Variants in SMPD4 observed in about 807,000 individuals in gnomAD.
SMPD4 encodes neutral sphingomyelinase 3.
A neutral mutation model predicts 97.8 loss-of-function variants in SMPD4; 58 were observed. That is an observed-to-expected ratio of 0.59 (90% CI 0.48 to 0.74). The LOEUF is 0.74. Among genes scored for constraint, SMPD4 ranks in the 30% least tolerant of loss-of-function variants. The pLI is 0.00. For missense variants in SMPD4, 853 were observed against 1,080.5 expected, an observed-to-expected ratio of 0.79 and a Z score of 2.95; for synonymous variants, 388 against 450.0, an observed-to-expected ratio of 0.86 and a Z score of 1.74.
intron 1 of SMPD4, among the ~76,000 whole-genome samples, chr2:130,180,244 T>C (rs1043200333): frequency 1.3e-5 from 2 of 151,428 alleles, no homozygotes; most frequent in Non-Finnish European, 2.9e-5. Context: ...ATTACAAGCG[T>C]GAGCCACTGC....
intron 9 of SMPD4, among the ~76,000 whole-genome samples, chr2:130,166,251 CA>C (rs747910324): frequency 1.4e-4 from 19 of 136,530 alleles, no homozygotes; most frequent in Non-Finnish European, 2.4e-4. Context: ...GAAGGTTGCA[CA>C]GAGCCAAGAT....
upstream of SMPD4, chr2:130,181,678 G>C: frequency 6.5e-7 from 1 of 1,549,290 alleles, no homozygotes; most frequent in Non-Finnish European, 8.7e-7. Context: ...ACCTCAAAAG[G>C]CGCGTGCGCA....
chr2:130,180,694 C>G (rs1689487788), intron 1 of SMPD4, among the ~76,000 whole-genome samples: 1 of 152,190 alleles, frequency 6.6e-6, no homozygotes, highest in South Asian at 2.1e-4. Context: ...GTGGACTGTT[C>G]GGTAAGTGCG....
At chr2:130,155,006 CCT>C in intron 15 of SMPD4, 88 bp downstream of exon 15, 1 of 1,511,168 alleles carries the variant, frequency 6.6e-7, no homozygotes, top group Non-Finnish European at 8.9e-7. Context: ...CGTGTGGGTC[CCT>C]CTTAAAGACC....
chr2:130,178,135 C>G (rs555708550), intron 1 of SMPD4, among the ~76,000 whole-genome samples: 178 of 148,198 alleles, frequency 1.2e-3, no homozygotes, highest in Non-Finnish European at 2.3e-3. Context: ...GCAAAGCTAC[C>G]AACACCTTGA....
chr2:130,164,751 T>TA (rs202162918), intron 9 of SMPD4, among the ~76,000 whole-genome samples: 4,311 of 151,890 alleles, frequency 0.028, 208 homozygotes, highest in African/African-American at 0.097. Flanking sequence ...GGAAAAAAAA[T>TA]AGACAACTAG....
rs943612417 is a variant in SMPD4 at position 130,154,725 on chromosome 2, G to A, written c.1454-243C>T. On this transcript the variant is annotated intron_variant, in intron 15 of 19. Transcript: ENST00000680298. ...GCAGGAGGTAAACAACAGGAGGATCGACAGAAACCAACGCCCAACCCAGCC... is the reference window on the plus strand; with the variant it reads ...GCAGGAGGTAAACAACAGGAGGATCAACAGAAACCAACGCCCAACCCAGCC... The A allele has an allele frequency of 1.6e-4, 97 of 588,102 alleles. No homozygotes were observed. In the Admixed American group the frequency reaches 1.7e-3, roughly 10 times the overall value. The allele number at this position is 588,102 out of a possible 1,614,324, so 36.4% of individuals were successfully genotyped here.
At position 130,152,533 on chromosome 2, in the gene SMPD4, G is replaced by A. The variant is rs1686327143; in HGVS notation, c.*22C>T. 6.5e-7 allele frequency: 1 copy of A among 1,536,548 alleles called. No homozygotes were observed. Among genetic ancestry groups the A allele is most frequent in the East Asian group, 2.5e-5 (1 of 40,652 alleles). On this transcript the variant is annotated 3_prime_UTR_variant, in exon 20 of 20. Transcript: ENST00000680298. ...GCTGTGTGGCAAATCCCTCCAGCCT[G>A]CTCTGAAGGCAGCTGACACCTTCAG...
chr2:130,152,826 C>T lies in SMPD4; in HGVS notation c.2213G>A (p.Arg738His), dbSNP rs760113579. The change falls in exon 20 of 20, where the codon CGC (arginine) becomes CAC (histidine). Residue 738 changes from arginine (R) to histidine (H), a missense_variant. Physicochemically the swap from Arg to His is conservative, Grantham distance 29. Transcript: ENST00000680298. ...CAGCCCAGGTTCTGTGAGGTGGTAG[C>T]GACAGAAGCTGCCGAGGAAGTCATC... ...SRDDFLGSFC[R>H]YHLTEPGLAS... 11 of 1,603,250 alleles carry T rather than the reference C, an allele frequency of 6.9e-6. No individual in the cohort carries two copies. Among genetic ancestry groups the T allele is most frequent in the African/African-American group, 5.4e-5 (4 of 74,558 alleles).
chr2:130,176,623 C>A lies in SMPD4; in HGVS notation c.-31G>T, dbSNP rs372073862. The A allele has an allele frequency of 1.2e-6, 2 of 1,612,908 alleles. No individual in the cohort carries two copies. Among genetic ancestry groups the A allele is most frequent in the Non-Finnish European group, 1.7e-6 (2 of 1,179,546 alleles). ...CCTCCAGTGGAGAGTTGAAAATGGC[C>A]TTCTTAGCAAACCACTGTGGAAAAA... On this transcript the variant is annotated 5_prime_UTR_variant, in exon 2 of 20. The change creates a new upstream start codon in the 5' untranslated region. Transcript: ENST00000680298.
Position 130,181,536 on chromosome 2 carries a change from G to C in SMPD4, c.-52C>G, listed in dbSNP as rs773151083. The C allele has an allele frequency of 6.2e-7, 1 of 1,604,754 alleles. No individual in the cohort carries two copies. Among genetic ancestry groups the C allele is most frequent in the Non-Finnish European group, 8.5e-7 (1 of 1,176,716 alleles). ...CGCATCCCGCGCCACTCACCTGTGG[G>C]ATCCATAGCGTCGCTCGCCTCAGAG... On this transcript the variant is annotated 5_prime_UTR_variant, in exon 1 of 20. It adds an upstream start codon to the 5' untranslated region. Coordinates refer to ENST00000680298, the MANE Select transcript of SMPD4 (RefSeq NM_017951.5).
At chr2:130,158,129 C>A in intron 11 of SMPD4, 1 of 1,164,508 alleles carries the variant, frequency 8.6e-7, no homozygotes, top group South Asian at 1.5e-5. Flanking sequence ...GAGAGTAAGA[C>A]CTGGTTCAAA....
At chr2:130,175,359 CCA>C (rs374221592) in intron 2 of SMPD4, among the ~76,000 whole-genome samples, 1 of 152,154 alleles carries the variant, frequency 6.6e-6, no homozygotes, top group Admixed American at 6.5e-5. Context: ...CCCTCACAAA[CCA>C]CAGAGTATAA....
chr2:130,157,566 C>G, intron 11 of SMPD4, 170 bp from the exon 12 acceptor site: 1 of 1,331,758 alleles, frequency 7.5e-7, no homozygotes, highest in East Asian at 2.5e-5. Context: ...GTGCCTGGCA[C>G]CCAGATGTGC....
Position 130,153,833 on chromosome 2 carries a change from G to A in SMPD4, c.1762C>T (p.Leu588=). 1.2e-6 allele frequency: 2 copies of A among 1,613,992 alleles called. No homozygotes were observed. The highest frequency in any genetic ancestry group is 1.1e-5 in the South Asian group (1 of 91,078). The part of the protein sequence containing the change: ...SPAGHSFLSW[L]GFSSMDTNGS... ...TTGGTGTCCATGGAGCTAAAGCCCAGCCATGAGAGGAAGGAGTGGCCAGCC... is the reference window on the plus strand; with the variant it reads ...TTGGTGTCCATGGAGCTAAAGCCCAACCATGAGAGGAAGGAGTGGCCAGCC... Residue 588 remains leucine (L), a synonymous_variant, in exon 17 of 20, where the codon CTG becomes TTG. Transcript: ENST00000680298.
intron 19 of SMPD4, 47 bp from the exon 20 acceptor site, chr2:130,152,931 G>T: frequency 6.4e-7 from 1 of 1,561,164 alleles, no homozygotes. Context: ...TGGCACCACA[G>T]GCCTCAGGAC....
At chr2:130,181,421 G>A (rs1689618089) in intron 1 of SMPD4, 109 bp downstream of exon 1, 1 of 1,500,722 alleles carries the variant, frequency 6.7e-7, no homozygotes, top group African/African-American at 1.4e-5. Flanking sequence ...GAGCCGGCTG[G>A]CCGGCCCGAG....
At chr2:130,167,667 G>T in intron 8 of SMPD4, 77 bp from the exon 9 acceptor site, 4 of 1,484,732 alleles carry the variant, frequency 2.7e-6, no homozygotes, top group Non-Finnish European at 3.6e-6. Context: ...GGGCAATCTG[G>T]ATATCAAAAT....
At chr2:130,177,578 T>A (rs1689089504) in intron 1 of SMPD4, among the ~76,000 whole-genome samples, 1 of 151,038 alleles carries the variant, frequency 6.6e-6, no homozygotes, top group African/African-American at 2.4e-5. Context: ...GTGCCTATAA[T>A]CCCAGCTACT....
Sources: allele counts gnomAD v4.1 joint callset (sites outside exome capture counted in the v4.1 genomes callset), GRCh38; gene constraint gnomAD v4.1.1; transcripts MANE v1.5; gene names NCBI Gene and HGNC (gene_info 2026-07-23, HGNC 2026-07-21).